The following TSPAN4 variants were observed in gnomAD, a reference collection of about 807,000 sequenced individuals.
TSPAN4 encodes the protein tetraspanin-4.
In TSPAN4, 38 loss-of-function variants were observed where a neutral mutation model predicts 31.5. The observed-to-expected ratio is 1.21, with a 90% CI of 0.93 to 1.58. The LOEUF (loss-of-function observed/expected upper bound fraction) is 1.58, where lower values mean the gene tolerates loss of function less well. TSPAN4 is among the 40% of genes most tolerant of loss of function. The pLI is 0.00. For synonymous variants in TSPAN4, 186 were observed against 144.6 expected (o/e 1.29, Z -2.06); for missense variants, 330 against 317.3 (o/e 1.04, Z -0.30).
At chr11:845,481 A>G (rs1847266811) in intron 1 of TSPAN4, among the ~76,000 whole-genome samples, 1 of 152,060 alleles carries the variant, frequency 6.6e-6, no homozygotes, top group Non-Finnish European at 1.5e-5. Context: ...CACCACTCAT[A>G]TGTCGGGGCT....
In TSPAN4 at chr11:864,919, T is replaced by C. The variant is rs561048644; in HGVS notation, c.330+408T>C. ...TGGGATGAAGTCCTGGCTATTGAGGTTGCACTCCGAGCTAGAACACACTAC... is the reference window on the plus strand; with the variant it reads ...TGGGATGAAGTCCTGGCTATTGAGGCTGCACTCCGAGCTAGAACACACTAC... On this transcript the variant is annotated intron_variant, in intron 5 of 8. Coordinates refer to ENST00000397397, the MANE Select transcript of TSPAN4 (RefSeq NM_003271.5). The C allele has an allele frequency of 1.9e-3, 364 of 196,612 alleles. 1 individual carries two copies. Among genetic ancestry groups the C allele is most frequent in the African/African-American group, 0.01 (331 of 33,078 alleles). 12.2% of individuals were successfully genotyped at this position (196,612 alleles called of 1,614,324 possible). A position where few individuals can be genotyped will look rare whatever the true frequency, so the allele number is the denominator to read the frequency against.
Position 866,705 on chromosome 11 carries a change from C to T in TSPAN4, c.*75C>T. On this transcript the variant is annotated 3_prime_UTR_variant, in exon 9 of 9. Coordinates refer to ENST00000397397, the MANE Select transcript of TSPAN4 (RefSeq NM_003271.5). ...CCGCACCCACAGCTGCCTTTCCCACCACCAGCCTCGGTGCTCTGCCCCATG... is the reference window on the plus strand; with the variant it reads ...CCGCACCCACAGCTGCCTTTCCCACTACCAGCCTCGGTGCTCTGCCCCATG... 9 of 1,417,212 alleles carry T rather than the reference C, an allele frequency of 6.4e-6. No homozygotes were observed. The highest frequency in any genetic ancestry group is 5.1e-5 in the South Asian group (4 of 78,126). The allele number at this position is 1,417,212 out of a possible 1,614,324, so 87.8% of individuals were successfully genotyped here.
chr11:864,333 C>T, intron 4 of TSPAN4, 104 bp from the exon 5 acceptor site: 18 of 1,419,304 alleles, frequency 1.3e-5, no homozygotes, highest in Non-Finnish European at 1.8e-5. Context: ...GGTTTCCTGG[C>T]AGCACCAGGT....
chr11:850,491 T>C (rs1411226341), intron 3 of TSPAN4, 124 bp downstream of exon 3: 14 of 814,776 alleles, frequency 1.7e-5, no homozygotes, highest in Non-Finnish European at 2.7e-5. Context: ...GTGGGGATGG[T>C]CCCGGGAGGA....
chr11:865,444 C>T lies in TSPAN4; in HGVS notation c.331-69C>T, dbSNP rs1289198035. The stretch of plus-strand genomic sequence containing the variant: ...AGGAGGGGCCCAGCTTAGGGGCCGG[C>T]GAGGGGGTCTGGATGAGGGAGGCGG... On this transcript the variant is annotated intron_variant, in intron 5 of 8. Transcript: ENST00000397397. The T allele has an allele frequency of 1.7e-5, 22 of 1,325,510 alleles. No individual in the cohort carries two copies. In the East Asian group the frequency reaches 1.7e-4, roughly 10 times the overall value. The allele number at this position is 1,325,510 out of a possible 1,614,324, so 82.1% of individuals were successfully genotyped here.
intron 3 of TSPAN4, among the ~76,000 whole-genome samples, chr11:860,071 G>GAGCTTCCCA (rs1274308104): frequency 1.3e-5 from 2 of 152,208 alleles, no homozygotes; most frequent in East Asian, 3.9e-4. Context: ...TGGCTCAGCA[G>GAGCTTCCCA]AGCTTCCCAA....
chr11:861,478 C>T (rs1404122835), intron 3 of TSPAN4, among the ~76,000 whole-genome samples: 4 of 151,880 alleles, frequency 2.6e-5, no homozygotes, highest in East Asian at 3.9e-4. Context: ...TTTGGGAGGT[C>T]GAGGTGGGTG....
intron 3 of TSPAN4, among the ~76,000 whole-genome samples, chr11:853,663 C>T (rs1247716705): frequency 2.6e-5 from 4 of 152,054 alleles, no homozygotes; most frequent in African/African-American, 7.2e-5. Flanking sequence ...GTGGGGGACC[C>T]GGTGGGGCCT....
rs1847432788 is a variant in TSPAN4, at chr11:848,314, G to A, written c.-18+1014G>A. Among the ~76,000 whole-genome samples the A allele has an allele frequency of 6.6e-6, 1 of 152,320 alleles. No individual in the cohort carries two copies. Among genetic ancestry groups the A allele is most frequent in the East Asian group, 1.9e-4 (1 of 5,174 alleles). The stretch of plus-strand genomic sequence containing the variant: ...CAAAGAACCCCCAGGGGAAGGACAG[G>A]GTAGGGGCCATGGGAAGCCCCAGGA... On this transcript the variant is annotated intron_variant, in intron 2 of 8. Coordinates refer to ENST00000397397, the MANE Select transcript of TSPAN4 (RefSeq NM_003271.5). The surrounding 1 kb of genome is among the most constrained non-coding windows in gnomAD (Gnocchi z 5.7).
rs966277816 is a variant in TSPAN4, at chr11:848,778, G to C, written c.-18+1478G>C. 2 of 552,742 alleles carry C rather than the reference G, an allele frequency of 3.6e-6. No homozygotes were observed. The allele number at this position is 552,742 out of a possible 1,614,324, so 34.2% of individuals were successfully genotyped here. On this transcript the variant is annotated intron_variant, in intron 2 of 8. Coordinates refer to ENST00000397397, the MANE Select transcript of TSPAN4 (RefSeq NM_003271.5). The surrounding 1 kb of genome is among the most constrained non-coding windows in gnomAD (Gnocchi z 5.7). ...GCTGATATCTTCCCAACACCGCAGG[G>C]CCCTTGTGCCCTGTGGTGGGGCTGG...
chr11:850,662 C>T lies in TSPAN4; in HGVS notation c.63+295C>T, dbSNP rs573938018. ...TTGATGAGACGGGACACGTTGCACACGTGCGCGCCGGACAGGGCCACCCGG... is the reference window on the plus strand; with the variant it reads ...TTGATGAGACGGGACACGTTGCACATGTGCGCGCCGGACAGGGCCACCCGG... On this transcript the variant is annotated intron_variant, in intron 3 of 8. Coordinates refer to ENST00000397397, the MANE Select transcript of TSPAN4 (RefSeq NM_003271.5). Among the ~76,000 whole-genome samples the T allele has an allele frequency of 1.3e-4, 20 of 152,356 alleles. No homozygotes were observed. The East Asian group carries it at 3.9e-3, about 29-fold the overall frequency.
intron 2 of TSPAN4, 162 bp from the exon 3 acceptor site, chr11:850,126 A>G (rs1197449976): frequency 1.9e-6 from 1 of 521,626 alleles, no homozygotes; most frequent in Non-Finnish European, 3.3e-6. Flanking sequence ...TTCCGGCGCT[A>G]CAGCAGCCTA....
At chr11:862,955 G>A (rs570029579) in intron 4 of TSPAN4, 199 of 577,454 alleles carry the variant, frequency 3.4e-4, no homozygotes, top group Middle Eastern at 2.8e-3. Flanking sequence ...GCGGTGTGGG[G>A]GTCACTCAAG....
At chr11:865,299 C>T (rs1387814677) in intron 5 of TSPAN4, 3 of 582,622 alleles carry the variant, frequency 5.1e-6, no homozygotes, top group Admixed American at 6.2e-5. Context: ...GGTCCTCCCC[C>T]AGCCTGGGGA....
chr11:866,549 C>T lies in TSPAN4; in HGVS notation c.649-13C>T, dbSNP rs1253213895. 2 of 1,612,300 alleles carry T rather than the reference C, an allele frequency of 1.2e-6. No individual in the cohort carries two copies. Among genetic ancestry groups the T allele is most frequent in the Non-Finnish European group, 1.7e-6 (2 of 1,179,276 alleles). On this transcript the variant is annotated splice_polypyrimidine_tract_variant and intron_variant, in intron 8 of 8. Transcript: ENST00000397397. ...TGGAGCTGCCATGCCCAGTCCTCCTCCCCTACCTACAGATCCTGGGCCTGA... is the reference window on the plus strand; with the variant it reads ...TGGAGCTGCCATGCCCAGTCCTCCTTCCCTACCTACAGATCCTGGGCCTGA...
At chr11:856,174 G>A (rs984231587) in intron 3 of TSPAN4, among the ~76,000 whole-genome samples, 1 of 152,140 alleles carries the variant, frequency 6.6e-6, no homozygotes, top group Admixed American at 6.5e-5. Flanking sequence ...GCTGGGGGAC[G>A]GCCCCCCGAG....
chr11:862,644 C>T lies in TSPAN4; in HGVS notation c.158C>T (p.Ala53Val). The change falls in exon 4 of 9, where the codon GCT becomes GTT. Residue 53 changes from alanine (A) to valine (V), a missense_variant. Physicochemically the swap from Ala to Val is moderately conservative, Grantham distance 64. Coordinates refer to ENST00000397397, the MANE Select transcript of TSPAN4 (RefSeq NM_003271.5). ...TLSSSFPSLS[A>V]ANLLIITGAF... ...TCCTCTTCCTTCCCGTCCCTGTCGG[C>T]TGCCAACTTGCTCATCATCACCGGC... The T allele has an allele frequency of 6.2e-7, 1 of 1,613,410 alleles. No homozygotes were observed. The highest frequency in any genetic ancestry group is 8.5e-7 in the Non-Finnish European group (1 of 1,179,892).
At chr11:849,824 G>T in intron 2 of TSPAN4, 1 of 147,482 alleles carries the variant, frequency 6.8e-6, no homozygotes, top group South Asian at 1.8e-4. Context: ...CGCGGGGTCG[G>T]GGGCGCGGGG....
At chr11:862,418 G>A (rs1252247668) in intron 3 of TSPAN4, 132 bp from the exon 4 acceptor site, 7 of 798,698 alleles carry the variant, frequency 8.8e-6, no homozygotes, top group Non-Finnish European at 1.3e-5. Context: ...GGATCTAGCA[G>A]GACTCTGGGT....
Sources: gnomAD v4.1 joint callset for allele counts (sites outside exome capture counted in the v4.1 genomes callset) on GRCh38, gnomAD v4.1.1 for gene constraint, Gnocchi (gnomAD v3.1) non-coding constraint, MANE v1.5 for transcripts, NCBI Gene and HGNC (gene_info 2026-07-23, HGNC 2026-07-21) for gene names.